RFTN1: variants seen among roughly 807,000 people sequenced by gnomAD.
RFTN1 encodes the protein raftlin, lipid raft linker 1.
In RFTN1, 26 loss-of-function variants were observed where a neutral mutation model predicts 46.5. That is an observed-to-expected ratio of 0.56 (90% CI 0.41 to 0.78). RFTN1 has a LOEUF of 0.78. Ranked by LOEUF, RFTN1 falls within the 30% of genes least tolerant of loss-of-function variation. The pLI, the probability that RFTN1 is intolerant of heterozygous loss-of-function variation, is 0.00. For synonymous variants in RFTN1, 261 were observed against 284.2 expected (o/e 0.92, Z 0.82); for missense variants, 693 against 718.7 (o/e 0.96, Z 0.41).
chr3:16,369,944 A>T, intron 6 of RFTN1, 132 bp downstream of exon 6: 1 of 844,600 alleles, frequency 1.2e-6, no homozygotes, highest in Non-Finnish European at 1.9e-6. Flanking sequence ...TGTTAATTAG[A>T]AATAAAATGC....
At chr3:16,494,469 C>G (rs1012800985) in intron 1 of RFTN1, among the ~76,000 whole-genome samples, 2 of 152,180 alleles carry the variant, frequency 1.3e-5, no homozygotes, top group African/African-American at 4.8e-5. Context: ...TTAGACCAAA[C>G]TGCAGGAAAT....
chr3:16,325,192 C>T (rs564023080), intron 8 of RFTN1, among the ~76,000 whole-genome samples: 1 of 152,320 alleles, frequency 6.6e-6, no homozygotes, highest in South Asian at 2.1e-4. Flanking sequence ...CTCATTTAAG[C>T]TTCACCTCAA....
At chr3:16,365,903 A>C (rs759532107) in intron 6 of RFTN1, among the ~76,000 whole-genome samples, 1 of 152,250 alleles carries the variant, frequency 6.6e-6, no homozygotes, top group East Asian at 1.9e-4. Flanking sequence ...CTAGGCAAAA[A>C]GAGAAGTGAG....
chr3:16,414,295 G>GAAAA (rs199935896), intron 3 of RFTN1, among the ~76,000 whole-genome samples: 39 of 125,114 alleles, frequency 3.1e-4, no homozygotes, highest in Non-Finnish European at 5.8e-4. Flanking sequence ...GGGAAGTCTT[G>GAAAA]AAAAAAAAAA....
chr3:16,425,829 TG>T lies in RFTN1; in HGVS notation c.332+8021del, dbSNP rs1442406713. Among the ~76,000 whole-genome samples the T allele has an allele frequency of 5.3e-5, 8 of 152,020 alleles. No homozygotes were observed. Reference sequence around the variant, plus strand: ...TAAGAGGAATAAATTAAGGTAGTCTTGGTGATGCTGGACAGCTCCTCAGGGG... The same window carrying T: ...TAAGAGGAATAAATTAAGGTAGTCTTGTGATGCTGGACAGCTCCTCAGGGG... On this transcript the variant is annotated intron_variant, in intron 3 of 9. Transcript: ENST00000334133. The surrounding 1 kb of genome is among the most constrained non-coding windows in gnomAD (Gnocchi z 4.3).
At chr3:16,406,078 C>G (rs939522656) in intron 4 of RFTN1, among the ~76,000 whole-genome samples, 1 of 152,178 alleles carries the variant, frequency 6.6e-6, no homozygotes, top group African/African-American at 2.4e-5. Context: ...TGGGAAGCAC[C>G]TGTGGTCTTC....
At chr3:16,438,079 T>C (rs2075550294) in intron 2 of RFTN1, among the ~76,000 whole-genome samples, 1 of 152,130 alleles carries the variant, frequency 6.6e-6, no homozygotes, top group African/African-American at 2.4e-5. Context: ...ACAAACAGCA[T>C]CTGTGAGTCA....
chr3:16,423,303 T>C (rs2075227291), intron 3 of RFTN1, among the ~76,000 whole-genome samples: 1 of 152,194 alleles, frequency 6.6e-6, no homozygotes, highest in South Asian at 2.1e-4. Context: ...GGGGGTTTGC[T>C]GGTAGAATCT....
rs2073652766 is a variant in RFTN1, at chr3:16,374,238, G to A, written c.826+3480C>T. On this transcript the variant is annotated intron_variant, in intron 5 of 9. Transcript: ENST00000334133. This position sits in a 1 kb window ranked among gnomAD's most constrained non-coding sequence, Gnocchi z 5.4. ...AAGCCAGTAAGTGGCACAGCCAAGAGTCTTTCAAACCCCAAACCCTGGGCT... is the reference window on the plus strand; with the variant it reads ...AAGCCAGTAAGTGGCACAGCCAAGAATCTTTCAAACCCCAAACCCTGGGCT... Among the ~76,000 whole-genome samples, 1 of 152,216 alleles carries A rather than the reference G, an allele frequency of 6.6e-6. No individual in the cohort carries two copies. Among genetic ancestry groups the A allele is most frequent in the African/African-American group, 2.4e-5 (1 of 41,450 alleles).
intron 3 of RFTN1, among the ~76,000 whole-genome samples, chr3:16,430,444 C>T (rs994084198): frequency 7.9e-5 from 12 of 152,088 alleles, no homozygotes; most frequent in Admixed American, 3.3e-4. Flanking sequence ...TTTTTAAGAT[C>T]GTTGGAGTCT....
rs1199086909 is a variant in RFTN1 at position 16,459,757 on chromosome 3, G to T, written c.146-25720C>A. Among the ~76,000 whole-genome samples the T allele has an allele frequency of 6.6e-6, 1 of 151,794 alleles. No individual in the cohort carries two copies. The highest frequency in any genetic ancestry group is 1.9e-4 in the East Asian group (1 of 5,200). On this transcript the variant is annotated intron_variant, in intron 2 of 9. Transcript: ENST00000334133. This position sits in a 1 kb window ranked among gnomAD's most constrained non-coding sequence, Gnocchi z 4.2. ...ATCTAGTCAATATCATCATGTTATAGAAAAAAGTTGAAAAAGGAACATATT... is the reference window on the plus strand; with the variant it reads ...ATCTAGTCAATATCATCATGTTATATAAAAAAGTTGAAAAAGGAACATATT...
intron 5 of RFTN1, among the ~76,000 whole-genome samples, chr3:16,373,304 C>G (rs2073602131): frequency 6.6e-6 from 1 of 152,224 alleles, no homozygotes; most frequent in African/African-American, 2.4e-5. Flanking sequence ...TTTCCCCCAC[C>G]TTGCCTCATT....
intron 2 of RFTN1, among the ~76,000 whole-genome samples, chr3:16,485,125 A>G (rs2076426380): frequency 6.6e-6 from 1 of 152,244 alleles, no homozygotes; most frequent in African/African-American, 2.4e-5. Flanking sequence ...TATTTCCCCA[A>G]CAGAAGTGAA....
Position 16,484,062 on chromosome 3 carries a change from TC to T in RFTN1, c.145+9662del, listed in dbSNP as rs1232932980. Among the ~76,000 whole-genome samples the T allele has an allele frequency of 6.6e-6, 1 of 152,190 alleles. No homozygotes were observed. The highest frequency in any genetic ancestry group is 1.5e-5 in the Non-Finnish European group (1 of 68,038). On this transcript the variant is annotated intron_variant, in intron 2 of 9. Coordinates refer to ENST00000334133, the MANE Select transcript of RFTN1 (RefSeq NM_015150.2). The surrounding 1 kb of genome is among the most constrained non-coding windows in gnomAD (Gnocchi z 4.6). ...GAGGCCATGGAACTGGCCTATCATC[TC>T]CCTTCACGAAATCAGAAAGGCTAAT...
chr3:16,379,752 A>AT (rs772727349), intron 4 of RFTN1, among the ~76,000 whole-genome samples: 13 of 152,212 alleles, frequency 8.5e-5, no homozygotes, highest in Admixed American at 2.0e-4. Flanking sequence ...CATTCTGAAA[A>AT]TTTTTTCCCT....
In RFTN1 at chr3:16,433,257, A is replaced by G. The variant is rs1228705388; in HGVS notation, c.332+594T>C. ...TTTCTTAATTAGGCTCAACTGAAAT[A>G]TAGGCATAAGCATTCAACTGGGCAA... On this transcript the variant is annotated intron_variant, in intron 3 of 9. Coordinates refer to ENST00000334133, the MANE Select transcript of RFTN1 (RefSeq NM_015150.2). This position sits in a 1 kb window ranked among gnomAD's most constrained non-coding sequence, Gnocchi z 4.4. Among the ~76,000 whole-genome samples the G allele has an allele frequency of 3.3e-5, 5 of 152,090 alleles. No homozygotes were observed. Among genetic ancestry groups the G allele is most frequent in the African/African-American group, 9.7e-5 (4 of 41,380 alleles).
At position 16,351,349 on chromosome 3, in the gene RFTN1, C is replaced by T. The variant is rs1575095910; in HGVS notation, c.1146+6583G>A. On this transcript the variant is annotated intron_variant, in intron 7 of 9. Coordinates refer to ENST00000334133, the MANE Select transcript of RFTN1 (RefSeq NM_015150.2). The surrounding 1 kb of genome is among the most constrained non-coding windows in gnomAD (Gnocchi z 5.4). ...TTCAGGGAAGCCAAGGCTGGAAGATCCCCAGAATGAAGGATGATATATCCA... is the reference window on the plus strand; with the variant it reads ...TTCAGGGAAGCCAAGGCTGGAAGATTCCCAGAATGAAGGATGATATATCCA... 6.6e-6 allele frequency among the ~76,000 whole-genome samples: 1 copy of T among 152,154 alleles called. No individual in the cohort carries two copies. The highest frequency in any genetic ancestry group is 1.5e-5 in the Non-Finnish European group (1 of 68,036).
At position 16,318,028 on chromosome 3, in the gene RFTN1, C is replaced by A. The variant is rs184186608; in HGVS notation, c.1333-796G>T. On this transcript the variant is annotated intron_variant, in intron 9 of 9. Transcript: ENST00000334133. ...ACTTCCAATCTCAGAGGCCGCTTCCCGGGGGCCCAACCTGCAACCAAGCAT... is the reference window on the plus strand; with the variant it reads ...ACTTCCAATCTCAGAGGCCGCTTCCAGGGGGCCCAACCTGCAACCAAGCAT... 1.9e-4 allele frequency among the ~76,000 whole-genome samples: 29 copies of A among 152,296 alleles called. No individual in the cohort carries two copies. In the East Asian group the frequency reaches 5.6e-3, roughly 29 times the overall value.
rs918650121 is a variant in RFTN1 at position 16,342,156 on chromosome 3, C to T, written c.1147-15280G>A. Reference sequence around the variant, plus strand: ...CAATCTAAGTTTAGACCACTTTCATCACCCCCCACACCAATACCCTGTACC... The same window carrying T: ...CAATCTAAGTTTAGACCACTTTCATTACCCCCCACACCAATACCCTGTACC... On this transcript the variant is annotated intron_variant, in intron 7 of 9. Coordinates refer to ENST00000334133, the MANE Select transcript of RFTN1 (RefSeq NM_015150.2). The surrounding 1 kb of genome is among the most constrained non-coding windows in gnomAD (Gnocchi z 4.0). Among the ~76,000 whole-genome samples the T allele has an allele frequency of 1.3e-5, 2 of 152,156 alleles. No homozygotes were observed. Among genetic ancestry groups the T allele is most frequent in the African/African-American group, 2.4e-5 (1 of 41,422 alleles).
Sources: allele counts gnomAD v4.1 joint callset (sites outside exome capture counted in the v4.1 genomes callset), GRCh38; gene constraint gnomAD v4.1.1; non-coding constraint Gnocchi (gnomAD v3.1); transcripts MANE v1.5; gene names NCBI Gene and HGNC (gene_info 2026-07-23, HGNC 2026-07-21).